ARHGEF38: variants seen among roughly 807,000 people sequenced by gnomAD.
ARHGEF38 encodes the protein Rho guanine nucleotide exchange factor 38.
Under a neutral mutation model 79.9 loss-of-function variants are expected in ARHGEF38, and 79 were observed. That is an observed-to-expected ratio of 0.99 (90% CI 0.82 to 1.19). ARHGEF38 has a LOEUF of 1.19. ARHGEF38 is among the 50% of genes most tolerant of loss of function. ARHGEF38 has a pLI of 0.00. For synonymous variants in ARHGEF38, 366 were observed against 328.3 expected (o/e 1.11, Z -1.24); for missense variants, 962 against 907.2 (o/e 1.06, Z -0.78).
intron 2 of ARHGEF38, among the ~76,000 whole-genome samples, chr4:105,592,627 C>T (rs1166061617): frequency 1.3e-5 from 2 of 152,164 alleles, no homozygotes; most frequent in Non-Finnish European, 2.9e-5. Flanking sequence ...TTTACCTGTG[C>T]AGCAGAATTA....
At chr4:105,646,454 C>G (rs1359648412) in intron 6 of ARHGEF38, among the ~76,000 whole-genome samples, 8 of 152,128 alleles carry the variant, frequency 5.3e-5, no homozygotes, top group Non-Finnish European at 1.0e-4. Flanking sequence ...CACTAACATA[C>G]CATTTCCAGT....
chr4:105,667,591 C>G lies in ARHGEF38; in HGVS notation c.2036C>G (p.Thr679Arg). ...VSSRPASDSVTGTSESSIGDS... is the reference protein window; with the variant it reads ...VSSRPASDSVRGTSESSIGDS... The stretch of plus-strand genomic sequence containing the variant: ...TCACGGCCAGCTAGTGACAGTGTCA[C>G]AGGCACCTCAGAAAGCAGCATTGGT... The change falls in exon 13 of 14, where the codon ACA becomes AGA. Residue 679 changes from threonine (T) to arginine (R), a missense_variant. Coordinates refer to ENST00000420470, the MANE Select transcript of ARHGEF38 (RefSeq NM_001242729.2). 2 of 1,536,706 alleles carry G rather than the reference C, an allele frequency of 1.3e-6. No homozygotes were observed. Among genetic ancestry groups the G allele is most frequent in the Non-Finnish European group, 1.7e-6 (2 of 1,147,046 alleles).
chr4:105,654,585 A>G (rs1027730605), intron 8 of ARHGEF38, among the ~76,000 whole-genome samples: 16 of 152,346 alleles, frequency 1.1e-4, no homozygotes, highest in Non-Finnish European at 2.4e-4. Flanking sequence ...GAACTACAAA[A>G]TCCTATTAAC....
intron 1 of ARHGEF38, chr4:105,561,454 A>AGAATAGAATAGAATAGAATG (rs1725570751): frequency 2.8e-5 from 1 of 36,218 alleles, no homozygotes. Flanking sequence ...AGAATGGAAT[A>AGAATAGAATAGAATAGAATG]GAATAGAATA....
At chr4:105,641,293 G>T (rs569598362) in intron 5 of ARHGEF38, among the ~76,000 whole-genome samples, 1 of 151,938 alleles carries the variant, frequency 6.6e-6, no homozygotes, top group Non-Finnish European at 1.5e-5. Flanking sequence ...ATTTCCATGG[G>T]TAACCAGTGA....
chr4:105,624,757 G>A (rs1728873387), intron 3 of ARHGEF38, among the ~76,000 whole-genome samples: 1 of 152,204 alleles, frequency 6.6e-6, no homozygotes, highest in African/African-American at 2.4e-5. Flanking sequence ...TTTAGTCATG[G>A]CAGCTGGGCT....
Position 105,552,805 on chromosome 4 carries a change from A to G in ARHGEF38, c.40A>G (p.Thr14Ala). The G allele has an allele frequency of 6.2e-7, 1 of 1,612,398 alleles. No individual in the cohort carries two copies. Among genetic ancestry groups the G allele is most frequent in the Non-Finnish European group, 8.5e-7 (1 of 1,179,514 alleles). The stretch of plus-strand genomic sequence containing the variant: ...AGCCACTGGGAAAGAAAACATGGTC[A>G]CCAAGAAAAAGAATCTGGCCTTCTT... ...KEATGKENMV[T>A]KKKNLAFLRS... The change falls in exon 1 of 14, where the codon ACC (threonine) becomes GCC (alanine). Residue 14 changes from threonine (T) to alanine (A), a missense_variant. Transcript: ENST00000420470.
rs1221459109 is a variant in ARHGEF38 at position 105,643,877 on chromosome 4, T to TC, written c.675-1311_675-1310insC. 9.3e-3 allele frequency among the ~76,000 whole-genome samples: 1,344 copies of TC among 145,050 alleles called. 8 individuals are homozygous for TC. Among genetic ancestry groups the TC allele is most frequent in the Non-Finnish European group, 0.016 (1,036 of 66,078 alleles). On this transcript the variant is annotated intron_variant, in intron 5 of 13. Transcript: ENST00000420470. The stretch of plus-strand genomic sequence containing the variant: ...GTCTCTAAGATGCCTTCCTACTTTT[T>TC]TTTTTTTTTTTTTTTTTTGCGACAG...
intron 13 of ARHGEF38, among the ~76,000 whole-genome samples, chr4:105,676,692 TC>T (rs1203720521): frequency 6.6e-6 from 1 of 152,142 alleles, no homozygotes; most frequent in East Asian, 1.9e-4. Flanking sequence ...AGAGAAAAAT[TC>T]TTTTGACTGA....
At chr4:105,634,648 A>G (rs1277031587) in intron 4 of ARHGEF38, among the ~76,000 whole-genome samples, 1 of 152,144 alleles carries the variant, frequency 6.6e-6, no homozygotes, top group Non-Finnish European at 1.5e-5. Context: ...AAATACCACT[A>G]AAGTCCCTGC....
At chr4:105,614,241 T>G (rs568948116) in intron 3 of ARHGEF38, among the ~76,000 whole-genome samples, 46 of 152,246 alleles carry the variant, frequency 3.0e-4, no homozygotes, top group Admixed American at 2.8e-3. Flanking sequence ...TTTTTTAAAA[T>G]TATCGTTTCT....
chr4:105,680,165 G>T lies in ARHGEF38; in HGVS notation c.*2228G>T. 3.4e-6 allele frequency: 2 copies of T among 595,120 alleles called. No homozygotes were observed. Among genetic ancestry groups the T allele is most frequent in the Non-Finnish European group, 6.3e-6 (2 of 318,608 alleles). The allele number at this position is 595,120 out of a possible 1,614,324, so 36.9% of individuals were successfully genotyped here. On this transcript the variant is annotated 3_prime_UTR_variant, in exon 14 of 14. Coordinates refer to ENST00000420470, the MANE Select transcript of ARHGEF38 (RefSeq NM_001242729.2). ...ATGGAGGGACTGGAATTTAAAACCA[G>T]GTCTTCTGACTTTAAGGCCTTTCTT...
intron 2 of ARHGEF38, among the ~76,000 whole-genome samples, chr4:105,598,604 C>A (rs11936813): frequency 6.6e-6 from 1 of 151,878 alleles, no homozygotes; most frequent in Non-Finnish European, 1.5e-5. Context: ...TTACAAATAC[C>A]GATTTTCATG....
chr4:105,672,967 T>TCTCC (rs879659706), intron 13 of ARHGEF38, among the ~76,000 whole-genome samples: 148 of 152,340 alleles, frequency 9.7e-4, no homozygotes, highest in Non-Finnish European at 1.9e-3. Flanking sequence ...AGCATCTCTC[T>TCTCC]GGCTTCAAAT....
At chr4:105,664,460 A>T (rs1578361027) in intron 10 of ARHGEF38, among the ~76,000 whole-genome samples, 3 of 152,198 alleles carry the variant, frequency 2.0e-5, no homozygotes. Flanking sequence ...CCACTACGAA[A>T]AATGAGGATT....
intron 1 of ARHGEF38, among the ~76,000 whole-genome samples, chr4:105,580,627 T>A (rs989446310): frequency 1.3e-5 from 2 of 152,218 alleles, no homozygotes; most frequent in African/African-American, 2.4e-5. Flanking sequence ...TGAGCATAAT[T>A]ATATGTCTGA....
At chr4:105,640,617 T>C (rs1578337881) in intron 5 of ARHGEF38, among the ~76,000 whole-genome samples, 1 of 152,182 alleles carries the variant, frequency 6.6e-6, no homozygotes, top group East Asian at 1.9e-4. Flanking sequence ...TGGTTCTAAC[T>C]CATTTTGGTG....
At chr4:105,664,288 G>A (rs890397210) in intron 10 of ARHGEF38, among the ~76,000 whole-genome samples, 1 of 152,158 alleles carries the variant, frequency 6.6e-6, no homozygotes, top group Admixed American at 6.5e-5. Flanking sequence ...GTTTGATGAC[G>A]AAAAACATTT....
intron 13 of ARHGEF38, among the ~76,000 whole-genome samples, chr4:105,671,256 A>G (rs1169803607): frequency 6.6e-6 from 1 of 152,180 alleles, no homozygotes. Context: ...GGGATCCCTG[A>G]TACTTTCCCT....
Sources: allele counts gnomAD v4.1 joint callset (sites outside exome capture counted in the v4.1 genomes callset), GRCh38; gene constraint gnomAD v4.1.1; transcripts MANE v1.5; gene names NCBI Gene and HGNC (gene_info 2026-07-23, HGNC 2026-07-21).